EI24: variants seen among roughly 807,000 people sequenced by gnomAD.
EI24 encodes EI24 autophagy associated transmembrane protein.
In EI24, 21 loss-of-function variants were observed where a neutral mutation model predicts 48.6. The ratio of observed to expected loss-of-function variants is 0.43; its 90% CI spans 0.31 to 0.62. The LOEUF (loss-of-function observed/expected upper bound fraction) is 0.62. Ranked by LOEUF, EI24 falls within the 20% of genes least tolerant of loss-of-function variation. The pLI, the probability that EI24 is intolerant of heterozygous loss-of-function variation, is 0.10. For missense variants in EI24, 280 were observed against 410.5 expected (o/e 0.68, Z 2.75); for synonymous variants, 114 against 145.5 (o/e 0.78, Z 1.56).
chr11:125,578,213 C>G lies in EI24; in HGVS notation c.397C>G (p.Pro133Ala). The G allele has an allele frequency of 1.9e-6, 3 of 1,613,914 alleles. No individual in the cohort carries two copies. The highest frequency in any genetic ancestry group is 2.5e-6 in the Non-Finnish European group (3 of 1,179,884). The change falls in exon 6 of 11, where the codon CCC (proline) becomes GCC (alanine). Residue 133 changes from proline (P) to alanine (A), a missense_variant. Pro to Ala is a conservative substitution (Grantham distance 27). This residue lies in a region of EI24 where 204 missense variants were observed against 294.1 expected (regional missense o/e 0.69). Transcript: ENST00000278903. Reference sequence around the variant, plus strand: ...AATTTTCAGTGCTCTTTGGGTGCTCCCCTTGTTTGTGCTTAGCAAAGTGGT... The same window carrying G: ...AATTTTCAGTGCTCTTTGGGTGCTCGCCTTGTTTGTGCTTAGCAAAGTGGT... ...TSIFSALWVLPLFVLSKVVNA... is the reference protein window; with the variant it reads ...TSIFSALWVLALFVLSKVVNA...
chr11:125,570,561 G>A (rs559166), intron 1 of EI24: 2 of 152,242 alleles, frequency 1.3e-5, no homozygotes, highest in African/African-American at 4.8e-5. Flanking sequence ...GCTGGCCAGG[G>A]ATCAAATGAC....
Position 125,582,385 on chromosome 11 carries a change from C to T in EI24, c.825C>T (p.Ile275=). The T allele has an allele frequency of 1.3e-6, 2 of 1,596,180 alleles. No homozygotes were observed. The highest frequency in any genetic ancestry group is 1.7e-6 in the Non-Finnish European group (2 of 1,172,574). The change falls in exon 10 of 11, where the codon ATC becomes ATT. Residue 275 remains isoleucine, a synonymous_variant. Coordinates refer to ENST00000278903, the MANE Select transcript of EI24 (RefSeq NM_004879.5). ...CTATCCTCTTTCCTTTATTCATTAT[C>T]AGCGCCAATGAAGCAAAGACCCCTG... ...LFSILFPLFI[I]SANEAKTPGK... is the part of the protein sequence containing the mutation.
rs1939134130 is a variant in EI24, at chr11:125,584,229, C to CTAA, written c.*546_*547insTAA. 1 of 49,658 alleles carries CTAA rather than the reference C, an allele frequency of 2.0e-5. No individual in the cohort carries two copies. The highest frequency in any genetic ancestry group is 3.2e-5 in the Non-Finnish European group (1 of 30,996). 3.1% of individuals were successfully genotyped at this position (49,658 alleles called of 1,614,324 possible). On this transcript the variant is annotated 3_prime_UTR_variant, in exon 11 of 11. Transcript: ENST00000278903. ...GGTTTTGGTCTCTCTTGCTCCACTG[C>CTAA]AAAAAAAAAAAAAAAAAAAAAAAAA...
chr11:125,578,480 C>CTTTTT (rs370986926), intron 6 of EI24, among the ~76,000 whole-genome samples: 44 of 84,696 alleles, frequency 5.2e-4, no homozygotes, highest in Non-Finnish European at 6.1e-4. Context: ...TTCGTTTTGG[C>CTTTTT]TTTTTTTTTT....
Position 125,575,270 on chromosome 11 carries a change from A to G in EI24, c.50A>G (p.Lys17Arg), listed in dbSNP as rs1456760538. The change falls in exon 3 of 11, where the codon AAA becomes AGA. Residue 17 changes from lysine (K) to arginine (R), a missense_variant. By Grantham distance (26) the Lys-to-Arg change is conservative. Around this residue, in one of 3 missense-constraint regions of EI24, gnomAD observed 204 missense variants for 294.1 expected, o/e 0.69. Transcript: ENST00000278903. ...TFLQDLARGI[K>R]DSIWGICTIS... ...TGATAGCCTTTTCTATAGGGAATCA[A>G]AGACTCCATCTGGGGTATTTGTACC... 6.5e-7 allele frequency: 1 copy of G among 1,546,930 alleles called. No individual in the cohort carries two copies. The highest frequency in any genetic ancestry group is 2.5e-5 in the East Asian group (1 of 40,738).
chr11:125,580,542 T>G (rs1938950019), intron 8 of EI24, among the ~76,000 whole-genome samples: 1 of 152,200 alleles, frequency 6.6e-6, no homozygotes, highest in South Asian at 2.1e-4. Context: ...TAGAAAGACC[T>G]TCAGATATTT....
In EI24 at chr11:125,572,545, A is replaced by T. The variant is rs1210035779; in HGVS notation, c.18A>T (p.Lys6Asn). MADSV[K>N]TFLQDLARGI... Reference sequence around the variant, plus strand: ...GTGAAGAGATGGCTGACAGTGTCAAAACCTTTCTCCAGGACCTTGCCAGAG... The same window carrying T: ...GTGAAGAGATGGCTGACAGTGTCAATACCTTTCTCCAGGACCTTGCCAGAG... Residue 6 changes from lysine to asparagine, a missense_variant, in exon 2 of 11, where the codon AAA (lysine) becomes AAT (asparagine). By Grantham distance (94) the Lys-to-Asn change is moderately conservative (BLOSUM62 0). Coordinates refer to ENST00000278903, the MANE Select transcript of EI24 (RefSeq NM_004879.5). 1.2e-6 allele frequency: 2 copies of T among 1,613,394 alleles called. No individual in the cohort carries two copies. Among genetic ancestry groups the T allele is most frequent in the African/African-American group, 1.3e-5 (1 of 74,782 alleles).
At position 125,577,526 on chromosome 11, in the gene EI24, G is replaced by T; in HGVS notation, c.272G>T (p.Arg91Leu). ...TAGTTCAGTCTCCTCTTGTTTTATC[G>T]AGTATTTATTCCTGTGCTTCAGTCG... is the stretch of plus-strand genomic sequence containing the variant. ...VFWFSLLLFY[R>L]VFIPVLQSVT... The change falls in exon 5 of 11, where the codon CGA (arginine) becomes CTA (leucine). Residue 91 changes from arginine to leucine, a missense_variant. Arg to Leu is a moderately radical substitution (Grantham distance 102, BLOSUM62 -2). Coordinates refer to ENST00000278903, the MANE Select transcript of EI24 (RefSeq NM_004879.5). 1.2e-6 allele frequency: 2 copies of T among 1,613,652 alleles called. No homozygotes were observed. The highest frequency in any genetic ancestry group is 1.7e-6 in the Non-Finnish European group (2 of 1,179,810).
chr11:125,578,777 T>C (rs1233072528), intron 6 of EI24, among the ~76,000 whole-genome samples, 172 bp from the exon 7 acceptor site: 18 of 152,188 alleles, frequency 1.2e-4, no homozygotes, highest in Admixed American at 1.2e-3. Flanking sequence ...GCAATCCTCC[T>C]ACCTTAGCCT....
rs1326323498 is a variant in EI24 at position 125,582,307 on chromosome 11, G to A, written c.786-39G>A. Reference sequence around the variant, plus strand: ...TCTTCTTCAAAGTCATGTCTGTTATGAAGGTGACTAATTATTTCTTTTTTT... The same window carrying A: ...TCTTCTTCAAAGTCATGTCTGTTATAAAGGTGACTAATTATTTCTTTTTTT... On this transcript the variant is annotated intron_variant, in intron 9 of 10. Coordinates refer to ENST00000278903, the MANE Select transcript of EI24 (RefSeq NM_004879.5). 9 of 1,485,802 alleles carry A rather than the reference G, an allele frequency of 6.1e-6. No homozygotes were observed. The East Asian group carries it at 1.7e-4, about 28-fold the overall frequency. 92.0% of individuals were successfully genotyped at this position (1,485,802 alleles called of 1,614,324 possible).
Position 125,581,405 on chromosome 11 carries a change from T to G in EI24, c.785+83T>G, listed in dbSNP as rs149408365. ...GTGCCTTTTGTTTGCTTCGTTCTGTTTCGCATTCTACATCATCATTTGTCC... is the reference window on the plus strand; with the variant it reads ...GTGCCTTTTGTTTGCTTCGTTCTGTGTCGCATTCTACATCATCATTTGTCC... On this transcript the variant is annotated intron_variant, in intron 9 of 10. Transcript: ENST00000278903. 5.0e-6 allele frequency: 4 copies of G among 806,412 alleles called. No individual in the cohort carries two copies. The East Asian group carries it at 1.1e-4, about 22-fold the overall frequency. 50.0% of individuals were successfully genotyped at this position (806,412 alleles called of 1,614,324 possible).
intron 3 of EI24, chr11:125,575,867 C>T (rs1404134864): frequency 4.9e-6 from 2 of 407,034 alleles, no homozygotes; most frequent in African/African-American, 4.2e-5. Flanking sequence ...CAGCTTACTG[C>T]AGCCTCTGCC....
intron 1 of EI24, 164 bp downstream of exon 1, chr11:125,569,737 T>C: frequency 3.2e-6 from 1 of 312,290 alleles, no homozygotes. Flanking sequence ...GCCGGGCACA[T>C]CCCCGGGCGA....
At position 125,578,932 on chromosome 11, in the gene EI24, C is replaced by T. The variant is rs1295637471; in HGVS notation, c.442-17C>T. 4 of 1,563,526 alleles carry T rather than the reference C, an allele frequency of 2.6e-6. No individual in the cohort carries two copies. In the East Asian group the frequency reaches 7.0e-5, roughly 27 times the overall value. On this transcript the variant is annotated splice_polypyrimidine_tract_variant and intron_variant, in intron 6 of 10. Coordinates refer to ENST00000278903, the MANE Select transcript of EI24 (RefSeq NM_004879.5). The stretch of plus-strand genomic sequence containing the variant: ...AGGCCATTTAATTCATGTTTTGGTA[C>T]ACTTTCTCTGTTACAGGATATAGCT...
rs1348936901 is a variant in EI24 at position 125,584,562 on chromosome 11, T to C, written c.*879T>C. ...TGCATATAGGAACTGAAGGGGTCAA[T>C]GTATTAAACCTGTGATTGGTTGTTT... is the stretch of plus-strand genomic sequence containing the variant. On this transcript the variant is annotated 3_prime_UTR_variant, in exon 11 of 11. Coordinates refer to ENST00000278903, the MANE Select transcript of EI24 (RefSeq NM_004879.5). 2.0e-5 allele frequency: 3 copies of C among 152,640 alleles called. No homozygotes were observed. Among genetic ancestry groups the C allele is most frequent in the Admixed American group, 2.0e-4 (3 of 15,284 alleles). 9.5% of individuals were successfully genotyped at this position (152,640 alleles called of 1,614,324 possible).
intron 3 of EI24, chr11:125,575,783 C>G (rs2702007): frequency 0.15 from 32,359 of 213,394 alleles, 2,771 homozygotes; most frequent in African/African-American, 0.26. Flanking sequence ...TATATATACA[C>G]ATTTTTTTTT....
At chr11:125,578,523 C>T (rs1437634415) in intron 6 of EI24, among the ~76,000 whole-genome samples, 4 of 125,126 alleles carry the variant, frequency 3.2e-5, no homozygotes, top group East Asian at 2.5e-4. Context: ...CTCACTCTGT[C>T]GCCCAGGCTG....
intron 10 of EI24, among the ~76,000 whole-genome samples, chr11:125,583,135 C>G (rs1289970537): frequency 6.6e-6 from 1 of 152,108 alleles, no homozygotes; most frequent in East Asian, 1.9e-4. Flanking sequence ...GAGTCTCGCT[C>G]TGTCACCCAA....
At chr11:125,571,923 G>A (rs192260217) in intron 1 of EI24, among the ~76,000 whole-genome samples, 58 of 152,216 alleles carry the variant, frequency 3.8e-4, no homozygotes, top group Middle Eastern at 3.4e-3. Context: ...GTTTTGGTAC[G>A]CAATTTCATG....
Sources: allele counts gnomAD v4.1 joint callset (sites outside exome capture counted in the v4.1 genomes callset), GRCh38; gene constraint gnomAD v4.1.1; regional missense constraint gnomAD v4.1.1; transcripts MANE v1.5; gene names NCBI Gene and HGNC (gene_info 2026-07-23, HGNC 2026-07-21).